RGS7: variants seen among roughly 807,000 people sequenced by gnomAD.
RGS7 encodes the protein regulator of G-protein signaling 7.
RGS7 carries 27 observed loss-of-function variants against 81.1 expected under a neutral mutation model. The ratio of observed to expected loss-of-function variants is 0.33; its 90% CI spans 0.25 to 0.46. The LOEUF is 0.46. Ranked by LOEUF, RGS7 falls within the 20% of genes least tolerant of loss-of-function variation. RGS7 has a pLI of 1.00. For synonymous variants in RGS7, 208 were observed against 207.7 expected (o/e 1.00, Z -0.01); for missense variants, 396 against 607.4 (o/e 0.65, Z 3.66).
chr1:241,120,404 G>C (rs2066170034), intron 2 of RGS7, among the ~76,000 whole-genome samples: 1 of 152,120 alleles, frequency 6.6e-6, no homozygotes, highest in Non-Finnish European at 1.5e-5. Flanking sequence ...CTGGAGTGCA[G>C]TGGCACTATC....
chr1:241,242,177 C>A (rs1294401748), intron 2 of RGS7, among the ~76,000 whole-genome samples: 2 of 152,088 alleles, frequency 1.3e-5, no homozygotes, highest in Non-Finnish European at 2.9e-5. Flanking sequence ...GCTTAGCTCC[C>A]ACTTATAAGT....
Position 240,896,933 on chromosome 1 carries a change from ATTTG to A in RGS7, c.386-26818_386-26815del, listed in dbSNP as rs1669192381. Among the ~76,000 whole-genome samples, 3 of 152,216 alleles carry A rather than the reference ATTTG, an allele frequency of 2.0e-5. No homozygotes were observed. In the South Asian group the frequency reaches 6.2e-4, roughly 32 times the overall value. On this transcript the variant is annotated intron_variant, in intron 6 of 18. Coordinates refer to ENST00000440928, the MANE Select transcript of RGS7 (RefSeq NM_001364886.1). ...ATCCATGAGCATGGAATGTTATTCCATTTGTTTGTGTCTTCTTTTATTTCGTTGA... is the reference window on the plus strand; with the variant it reads ...ATCCATGAGCATGGAATGTTATTCCATTTGTGTCTTCTTTTATTTCGTTGA...
chr1:241,310,272 T>C (rs1173755565), intron 2 of RGS7, among the ~76,000 whole-genome samples: 1 of 152,228 alleles, frequency 6.6e-6, no homozygotes, highest in Non-Finnish European at 1.5e-5. Flanking sequence ...AGTAGCACCC[T>C]GTCTTCTAAT....
chr1:241,310,692 G>A (rs1313007650), intron 2 of RGS7, among the ~76,000 whole-genome samples: 1 of 152,116 alleles, frequency 6.6e-6, no homozygotes, highest in Non-Finnish European at 1.5e-5. Context: ...AGTGACTGAT[G>A]AGTGAATCAT....
intron 4 of RGS7, among the ~76,000 whole-genome samples, chr1:240,965,291 G>A (rs1165192321): frequency 6.6e-6 from 1 of 152,104 alleles, no homozygotes; most frequent in Non-Finnish European, 1.5e-5. Flanking sequence ...TTGTATGATA[G>A]AGTCTAAGTA....
At chr1:240,837,756 T>A (rs1469180519) in intron 9 of RGS7, among the ~76,000 whole-genome samples, 1 of 152,216 alleles carries the variant, frequency 6.6e-6, no homozygotes, top group Non-Finnish European at 1.5e-5. Flanking sequence ...AAACAATCTT[T>A]ATTTTTTTAC....
At chr1:241,040,716 C>T (rs1415738396) in intron 3 of RGS7, among the ~76,000 whole-genome samples, 4 of 152,072 alleles carry the variant, frequency 2.6e-5, no homozygotes, top group Admixed American at 1.3e-4. Flanking sequence ...TCTTGAACTC[C>T]CAACCTCAGG....
chr1:240,833,323 T>G (rs972016826), intron 9 of RGS7, among the ~76,000 whole-genome samples: 1 of 152,204 alleles, frequency 6.6e-6, no homozygotes, highest in Non-Finnish European at 1.5e-5. Flanking sequence ...ATCATGCTAC[T>G]CAGAATGGCA....
chr1:241,181,824 A>T (rs1424158847), intron 2 of RGS7, among the ~76,000 whole-genome samples: 1 of 152,090 alleles, frequency 6.6e-6, no homozygotes, highest in Non-Finnish European at 1.5e-5. Flanking sequence ...TCAGCCTCCC[A>T]AGTAGCTGGG....
intron 2 of RGS7, among the ~76,000 whole-genome samples, chr1:241,300,495 T>C (rs1164620148): frequency 3.9e-5 from 6 of 151,906 alleles, no homozygotes; most frequent in Non-Finnish European, 8.8e-5. Flanking sequence ...TTTTCCAGAA[T>C]GTCAAATAGT....
chr1:241,089,063 C>CTCTCTATA lies in RGS7; in HGVS notation c.175+9602_175+9603insTATAGAGA, dbSNP rs1374552672. The stretch of plus-strand genomic sequence containing the variant: ...TCTCTCTCTCTCTCTCTCTCTCTCT[C>CTCTCTATA]TATATATATATATATATATATATAT... On this transcript the variant is annotated intron_variant, in intron 3 of 18. Transcript: ENST00000440928. Among the ~76,000 whole-genome samples, 55 of 23,682 alleles carry CTCTCTATA rather than the reference C, an allele frequency of 2.3e-3. 2 individuals carry two copies. The highest frequency in any genetic ancestry group is 3.3e-3 in the Non-Finnish European group (45 of 13,444). 15.5% of individuals were successfully genotyped at this position (23,682 alleles called of 152,430 possible). A position where few individuals can be genotyped will look rare whatever the true frequency, so the allele number is the denominator to read the frequency against.
chr1:241,138,987 T>G (rs1461209767), intron 2 of RGS7, among the ~76,000 whole-genome samples: 2 of 152,196 alleles, frequency 1.3e-5, no homozygotes, highest in Non-Finnish European at 2.9e-5. Context: ...TATAAAAAAT[T>G]TAAAATGTCT....
intron 2 of RGS7, among the ~76,000 whole-genome samples, chr1:241,183,843 G>T (rs563465505): frequency 1.3e-5 from 2 of 152,142 alleles, no homozygotes; most frequent in African/African-American, 2.4e-5. Flanking sequence ...CTTCTGTACC[G>T]CCTTGGCACA....
intron 10 of RGS7, chr1:240,823,313 C>T (rs972732790): frequency 1.4e-5 from 8 of 582,152 alleles, no homozygotes; most frequent in Non-Finnish European, 1.6e-5. Flanking sequence ...ATGGATACAT[C>T]AACTGGAAGA....
chr1:241,132,543 C>T (rs540901241), intron 2 of RGS7, among the ~76,000 whole-genome samples: 1 of 152,022 alleles, frequency 6.6e-6, no homozygotes, highest in African/African-American at 2.4e-5. Context: ...AAAAACAAAC[C>T]CCACAACGAA....
chr1:241,310,244 A>T (rs1278405549), intron 2 of RGS7, among the ~76,000 whole-genome samples: 1 of 152,198 alleles, frequency 6.6e-6, no homozygotes, highest in South Asian at 2.1e-4. Context: ...AAAGTCAAGA[A>T]CTTGAGAAAT....
intron 4 of RGS7, among the ~76,000 whole-genome samples, chr1:240,978,557 T>C (rs951976351): frequency 3.3e-5 from 5 of 152,164 alleles, no homozygotes; most frequent in African/African-American, 1.2e-4. Context: ...GAATTAATGT[T>C]ATGATGTAGA....
At chr1:240,881,351 G>T (rs1159766027) in intron 6 of RGS7, among the ~76,000 whole-genome samples, 1 of 151,552 alleles carries the variant, frequency 6.6e-6, no homozygotes, top group African/African-American at 2.4e-5. Context: ...GGCCTGTCGT[G>T]GGGTGGGGGG....
intron 2 of RGS7, among the ~76,000 whole-genome samples, chr1:241,208,700 C>T (rs533013452): frequency 4.6e-5 from 7 of 152,260 alleles, no homozygotes; most frequent in South Asian, 4.2e-4. Context: ...CAAACATCCT[C>T]GGCAACACTA....
Sources: allele counts gnomAD v4.1 joint callset (sites outside exome capture counted in the v4.1 genomes callset), GRCh38; gene constraint gnomAD v4.1.1; transcripts MANE v1.5; gene names NCBI Gene and HGNC (gene_info 2026-07-23, HGNC 2026-07-21).